Variants in TTC27 observed in about 807,000 individuals in gnomAD.
TTC27 encodes the protein tetratricopeptide repeat protein 27.
In TTC27, 79 loss-of-function variants were observed where a neutral mutation model predicts 115.9. The ratio of observed to expected loss-of-function variants is 0.68; its 90% CI spans 0.57 to 0.82. The LOEUF (loss-of-function observed/expected upper bound fraction) is 0.82. Ranked by LOEUF, TTC27 falls within the 40% of genes least tolerant of loss-of-function variation. The pLI, the probability that TTC27 is intolerant of heterozygous loss-of-function variation, is 0.00. For synonymous variants in TTC27, 401 were observed against 356.0 expected (o/e 1.13, Z -1.42); for missense variants, 1,054 against 993.1 (o/e 1.06, Z -0.82).
At chr2:32,796,118 T>C (rs1337440790) in intron 16 of TTC27, among the ~76,000 whole-genome samples, 1 of 152,168 alleles carries the variant, frequency 6.6e-6, no homozygotes, top group African/African-American at 2.4e-5. Flanking sequence ...AGTAGCAGGA[T>C]GCAAAGTCAG....
chr2:32,638,984 C>CA (rs1664531643), intron 3 of TTC27, among the ~76,000 whole-genome samples: 1 of 152,090 alleles, frequency 6.6e-6, no homozygotes, highest in Admixed American at 6.6e-5. Flanking sequence ...AGGCACCCAC[C>CA]ACCACGCCCG....
chr2:32,779,605 T>C (rs935219099), intron 14 of TTC27, among the ~76,000 whole-genome samples: 3 of 151,236 alleles, frequency 2.0e-5, no homozygotes, highest in Non-Finnish European at 4.4e-5. Flanking sequence ...TTTTTTTTTT[T>C]CTCTCTATTG....
At chr2:32,748,621 G>A (rs1668907145) in intron 12 of TTC27, among the ~76,000 whole-genome samples, 1 of 150,826 alleles carries the variant, frequency 6.6e-6, no homozygotes, top group Admixed American at 6.6e-5. Flanking sequence ...ACATATATTT[G>A]TGATTGTTAT....
intron 9 of TTC27, among the ~76,000 whole-genome samples, chr2:32,698,242 A>G (rs995683211): frequency 1.3e-5 from 2 of 151,776 alleles, no homozygotes. Flanking sequence ...TGATCCTTCC[A>G]CTTCAGCCTC....
intron 10 of TTC27, among the ~76,000 whole-genome samples, chr2:32,731,699 C>A (rs1040026725): frequency 4.6e-5 from 7 of 152,142 alleles, no homozygotes; most frequent in African/African-American, 1.7e-4. Flanking sequence ...ATGCATATGG[C>A]TTAATCAGGT....
chr2:32,777,428 A>G (rs1235157502), intron 13 of TTC27, among the ~76,000 whole-genome samples: 1 of 152,196 alleles, frequency 6.6e-6, no homozygotes, highest in African/African-American at 2.4e-5. Flanking sequence ...TATACTTTCA[A>G]TCATCTCTTG....
At chr2:32,633,257 G>A (rs1664281908) in intron 2 of TTC27, among the ~76,000 whole-genome samples, 1 of 151,984 alleles carries the variant, frequency 6.6e-6, no homozygotes, top group Admixed American at 6.6e-5. Context: ...TATCTTCATT[G>A]CCCACATGGT....
At chr2:32,730,310 A>G (rs550025414) in intron 10 of TTC27, among the ~76,000 whole-genome samples, 1 of 152,216 alleles carries the variant, frequency 6.6e-6, no homozygotes, top group East Asian at 1.9e-4. Flanking sequence ...AAATCATCTC[A>G]TAGAAAAATG....
At chr2:32,715,732 G>C (rs1201679034) in intron 10 of TTC27, among the ~76,000 whole-genome samples, 2 of 152,074 alleles carry the variant, frequency 1.3e-5, no homozygotes, top group African/African-American at 4.8e-5. Context: ...ATTAATTCTA[G>C]TAATGATTAA....
At position 32,812,253 on chromosome 2, in the gene TTC27, C is replaced by G. The variant is rs569673073; in HGVS notation, c.2197-251C>G. Reference sequence around the variant, plus strand: ...TCTGTATATTTACAGATTTCCAAACCTGGCCTTTATATCTTTCTGGTTACA... The same window carrying G: ...TCTGTATATTTACAGATTTCCAAACGTGGCCTTTATATCTTTCTGGTTACA... On this transcript the variant is annotated intron_variant, in intron 17 of 19. Coordinates refer to ENST00000317907, the MANE Select transcript of TTC27 (RefSeq NM_017735.5). Among the ~76,000 whole-genome samples the G allele has an allele frequency of 1.1e-3, 167 of 152,282 alleles. 3 individuals carry two copies. The highest frequency in any genetic ancestry group is 1.6e-3 in the Admixed American group (24 of 15,298).
chr2:32,708,701 G>A (rs558171251), intron 10 of TTC27, among the ~76,000 whole-genome samples: 2 of 134,636 alleles, frequency 1.5e-5, no homozygotes, highest in East Asian at 4.4e-4. Flanking sequence ...TTGTTGTTGT[G>A]TTTTGTTGTT....
chr2:32,682,119 A>G (rs1201312161), intron 9 of TTC27, among the ~76,000 whole-genome samples: 2 of 151,544 alleles, frequency 1.3e-5, no homozygotes, highest in African/African-American at 2.4e-5. Flanking sequence ...CAGTGCTTCA[A>G]TGCTTTACTC....
chr2:32,718,951 T>C (rs1667836810), intron 10 of TTC27, among the ~76,000 whole-genome samples: 1 of 152,236 alleles, frequency 6.6e-6, no homozygotes, highest in South Asian at 2.1e-4. Context: ...ATGTGAGGTC[T>C]GAGATAGTAT....
Position 32,635,834 on chromosome 2 carries a change from A to G in TTC27, c.396+1829A>G, listed in dbSNP as rs369157512. On this transcript the variant is annotated intron_variant, in intron 3 of 19. Coordinates refer to ENST00000317907, the MANE Select transcript of TTC27 (RefSeq NM_017735.5). ...AAAACCACAATAATTAACTCTTTGC[A>G]TATCAGCTTAGTGAGTCACTATATA... Among the ~76,000 whole-genome samples, 190 of 152,350 alleles carry G rather than the reference A, an allele frequency of 1.2e-3. 2 individuals carry two copies. Among genetic ancestry groups the G allele is most frequent in the African/African-American group, 4.4e-3 (181 of 41,590 alleles).
intron 13 of TTC27, among the ~76,000 whole-genome samples, chr2:32,773,884 G>A (rs1669908799): frequency 6.6e-6 from 1 of 152,188 alleles, no homozygotes; most frequent in South Asian, 2.1e-4. Flanking sequence ...CAGGGCCTAT[G>A]TCAGTGTTTT....
At chr2:32,672,488 G>A (rs2151884411) in intron 8 of TTC27, 104 bp downstream of exon 8, 2 of 833,366 alleles carry the variant, frequency 2.4e-6, no homozygotes, top group East Asian at 2.6e-5. Context: ...TGGATGAATA[G>A]GGAATTTTGT....
intron 12 of TTC27, among the ~76,000 whole-genome samples, chr2:32,743,032 C>T (rs1668697140): frequency 6.6e-6 from 1 of 152,048 alleles, no homozygotes; most frequent in African/African-American, 2.4e-5. Flanking sequence ...TAATTTTGCT[C>T]TTCATGTGGT....
intron 15 of TTC27, among the ~76,000 whole-genome samples, chr2:32,786,547 G>A (rs1484175150): frequency 6.6e-6 from 1 of 152,086 alleles, no homozygotes; most frequent in East Asian, 1.9e-4. Flanking sequence ...CATTTTGGTT[G>A]CAGATTCATG....
intron 16 of TTC27, among the ~76,000 whole-genome samples, chr2:32,802,577 G>A (rs952766001): frequency 1.3e-5 from 2 of 152,066 alleles, no homozygotes; most frequent in African/African-American, 2.4e-5. Flanking sequence ...GTCAAGTTCC[G>A]ACTTGCCACA....
Sources: gnomAD v4.1 joint callset for allele counts (sites outside exome capture counted in the v4.1 genomes callset) on GRCh38, gnomAD v4.1.1 for gene constraint, MANE v1.5 for transcripts, NCBI Gene and HGNC (gene_info 2026-07-23, HGNC 2026-07-21) for gene names.